Variants in PDZK1IP1 observed in about 807,000 individuals in gnomAD.
PDZK1IP1 encodes the protein PDZK1 interacting protein 1.
PDZK1IP1 carries 9 observed loss-of-function variants against 14.7 expected under a neutral mutation model. The observed-to-expected ratio is 0.61, with a 90% CI of 0.37 to 1.07. The LOEUF is 1.07. Ranked by LOEUF, PDZK1IP1 falls within the 50% of genes least tolerant of loss-of-function variation. PDZK1IP1 has a pLI of 0.01. For synonymous variants in PDZK1IP1, 70 were observed against 61.2 expected (o/e 1.14, Z -0.67); for missense variants, 152 against 148.7 (o/e 1.02, Z -0.11).
chr1:47,185,172 G>A (rs1645311791), intron 2 of PDZK1IP1, 75 bp from the exon 3 acceptor site: 1 of 1,131,518 alleles, frequency 8.8e-7, no homozygotes, highest in Admixed American at 1.7e-5. Context: ...CTGGGTCCTG[G>A]TTCTCACAAG....
chr1:47,187,258 G>C (rs992874220), intron 2 of PDZK1IP1, 61 bp downstream of exon 2: 1 of 1,162,954 alleles, frequency 8.6e-7, no homozygotes, highest in African/African-American at 1.5e-5. Context: ...ACTGCTACTA[G>C]AGCAAGAGCA....
intron 2 of PDZK1IP1, 89 bp from the exon 3 acceptor site, chr1:47,185,186 G>A (rs759528388): frequency 1.5e-5 from 15 of 1,000,384 alleles, no homozygotes; most frequent in South Asian, 3.9e-5. Context: ...TCACAAGCCC[G>A]AAGGCTAGCA....
chr1:47,184,566 C>CCCCACTGAACCT (rs1645306922), intron 3 of PDZK1IP1, among the ~76,000 whole-genome samples: 1 of 98,412 alleles, frequency 1.0e-5, no homozygotes, highest in Non-Finnish European at 2.2e-5. Context: ...CCACTGAGTC[C>CCCCACTGAACCT]ATACCCCACT....
In PDZK1IP1 at chr1:47,185,032, C is replaced by G; in HGVS notation, c.242G>C (p.Gly81Ala). ...KADGVLVGTD[G>A]RYSSMAASFR... ...ACTGGCCGCCATCGAAGAGTACCTT[C>G]CATCTGTTCCCACCAGGACTCCATC... Residue 81 changes from glycine to alanine, a missense_variant, in exon 3 of 4, where the codon GGA (glycine) becomes GCA (alanine). Gly to Ala is a moderately conservative substitution (Grantham distance 60, BLOSUM62 0). Coordinates refer to ENST00000294338, the MANE Select transcript of PDZK1IP1 (RefSeq NM_005764.4). 3 of 1,613,432 alleles carry G rather than the reference C, an allele frequency of 1.9e-6. No individual in the cohort carries two copies. The highest frequency in any genetic ancestry group is 1.6e-4 in the Middle Eastern group (1 of 6,062).
In PDZK1IP1 at chr1:47,188,393, G is replaced by A. The variant is rs2148573603; in HGVS notation, c.68-966C>T. 2.0e-5 allele frequency among the ~76,000 whole-genome samples: 3 copies of A among 152,242 alleles called. No individual in the cohort carries two copies. In the South Asian group the frequency reaches 6.2e-4, roughly 32 times the overall value. On this transcript the variant is annotated intron_variant, in intron 1 of 3. Transcript: ENST00000294338. ...CCTTCAGGCCTCTGCTTCCCCAAAG[G>A]ACTTTCCTCTTCCCCAGCATCACTG...
In PDZK1IP1 at chr1:47,183,991, C is replaced by A; in HGVS notation, c.325G>T (p.Val109Phe). The change falls in exon 4 of 4, where the codon GTC becomes TTC. Residue 109 changes from valine to phenylalanine, a missense_variant. By Grantham distance (50) the Val-to-Phe change is conservative. Transcript: ENST00000294338. ...GAAGGTTACATCGGGGTGCTGCGGA[C>A]CTTGCCTTCCTCCTCGGGCACATTC... The part of the protein sequence containing the change: ...YENVPEEEGK[V>F]RSTPM The A allele has an allele frequency of 1.3e-6, 2 of 1,598,430 alleles. No individual in the cohort carries two copies. Among genetic ancestry groups the A allele is most frequent in the Non-Finnish European group, 1.7e-6 (2 of 1,171,708 alleles).
In PDZK1IP1 at chr1:47,185,108, G is replaced by A. The variant is rs780501144; in HGVS notation, c.177-11C>T. The A allele has an allele frequency of 1.3e-5, 21 of 1,610,510 alleles. No individual in the cohort carries two copies. Among genetic ancestry groups the A allele is most frequent in the Non-Finnish European group, 1.8e-5 (21 of 1,177,638 alleles). On this transcript the variant is annotated splice_polypyrimidine_tract_variant and intron_variant, in intron 2 of 3. Transcript: ENST00000294338. Reference sequence around the variant, plus strand: ...ATGTGTGCAGGCTCCCTGGGGATGGGATTCATCAGTGGGGCTCCTCAGTGG... The same window carrying A: ...ATGTGTGCAGGCTCCCTGGGGATGGAATTCATCAGTGGGGCTCCTCAGTGG...
rs1415309853 is a variant in PDZK1IP1, at chr1:47,185,026, T to C, written c.248A>G (p.Tyr83Cys). ...DGVLVGTDGR[Y>C]SSMAASFRSS... ...CCTGAAACTGGCCGCCATCGAAGAG[T>C]ACCTTCCATCTGTTCCCACCAGGAC... is the stretch of plus-strand genomic sequence containing the variant. The change falls in exon 3 of 4, where the codon TAC becomes TGC. Residue 83 changes from tyrosine (Y) to cysteine (C), a missense_variant. Coordinates refer to ENST00000294338, the MANE Select transcript of PDZK1IP1 (RefSeq NM_005764.4). 6.8e-6 allele frequency: 11 copies of C among 1,613,102 alleles called. No individual in the cohort carries two copies. Among genetic ancestry groups the C allele is most frequent in the Non-Finnish European group, 7.6e-6 (9 of 1,179,836 alleles).
chr1:47,185,711 C>T (rs1158265651), intron 2 of PDZK1IP1, among the ~76,000 whole-genome samples: 6 of 152,124 alleles, frequency 3.9e-5, no homozygotes, highest in East Asian at 3.8e-4. Flanking sequence ...GTGTTCTGGG[C>T]CTCGGTGAGT....
At chr1:47,184,924 T>TC (rs1367954117) in intron 3 of PDZK1IP1, 78 bp downstream of exon 3, 8 of 1,184,110 alleles carry the variant, frequency 6.8e-6, no homozygotes, top group Admixed American at 5.1e-5. Flanking sequence ...CCCAGCCACC[T>TC]CCCCCCAGCA....
chr1:47,189,829 T>G (rs2148574037), intron 1 of PDZK1IP1, 37 bp downstream of exon 1: 1 of 1,529,764 alleles, frequency 6.5e-7, no homozygotes, highest in Non-Finnish European at 8.8e-7. Flanking sequence ...TGTCCACCCC[T>G]GGGTCTCCCG....
chr1:47,185,420 C>A, intron 2 of PDZK1IP1: 1 of 337,902 alleles, frequency 3.0e-6, no homozygotes. Context: ...CAGCTCGTGC[C>A]TTGGGCAGTG....
intron 1 of PDZK1IP1, among the ~76,000 whole-genome samples, chr1:47,188,656 A>T (rs1284665646): frequency 6.6e-6 from 1 of 152,166 alleles, no homozygotes. Flanking sequence ...GCTGCAGTGG[A>T]GGCCTGACCT....
rs766597470 is a variant in PDZK1IP1, at chr1:47,187,279, G to C, written c.176+40C>G. On this transcript the variant is annotated intron_variant, in intron 2 of 3. Transcript: ENST00000294338. ...ACTAGAGCAAGAGCAGTGGTCCTGG[G>C]CCCACCCTGCCTGCTCAGGGACCCT... 4 of 1,434,624 alleles carry C rather than the reference G, an allele frequency of 2.8e-6. No individual in the cohort carries two copies. In the South Asian group the frequency reaches 4.6e-5, roughly 16 times the overall value. The allele number at this position is 1,434,624 out of a possible 1,614,324, so 88.9% of individuals were successfully genotyped here.
intron 1 of PDZK1IP1, among the ~76,000 whole-genome samples, chr1:47,188,198 G>T (rs984139471): frequency 1.3e-5 from 2 of 152,196 alleles, no homozygotes; most frequent in African/African-American, 4.8e-5. Flanking sequence ...TAGAGACAGG[G>T]TCTTACTACG....
intron 2 of PDZK1IP1, chr1:47,185,380 G>T: frequency 2.5e-6 from 1 of 402,454 alleles, no homozygotes; most frequent in Admixed American, 3.8e-5. Flanking sequence ...AGCAGGCCCT[G>T]CAGGATGCAG....
chr1:47,184,505 C>CTCACTGAACCCATCCT (rs1557660504), intron 3 of PDZK1IP1, among the ~76,000 whole-genome samples: 26 of 35,568 alleles, frequency 7.3e-4, no homozygotes, highest in Non-Finnish European at 1.1e-3. Context: ...GAACCCATCC[C>CTCACTGAACCCATCCT]CCACTGAATC....
rs373428867 is a variant in PDZK1IP1, at chr1:47,189,968, G to A, written c.-36C>T. On this transcript the variant is annotated 5_prime_UTR_variant, in exon 1 of 4. Coordinates refer to ENST00000294338, the MANE Select transcript of PDZK1IP1 (RefSeq NM_005764.4). ...GCTCCTAGCCTTGCTTCTGGCCGCCGGTGTCTGGGCTCCTGGAGCTGCTGT... is the reference window on the plus strand; with the variant it reads ...GCTCCTAGCCTTGCTTCTGGCCGCCAGTGTCTGGGCTCCTGGAGCTGCTGT... 4.1e-5 allele frequency: 62 copies of A among 1,525,548 alleles called. No homozygotes were observed. Among genetic ancestry groups the A allele is most frequent in the Non-Finnish European group, 4.2e-5 (48 of 1,138,106 alleles). 94.5% of individuals were successfully genotyped at this position (1,525,548 alleles called of 1,614,324 possible). A position where few individuals can be genotyped will look rare whatever the true frequency, so the allele number is the denominator to read the frequency against.
rs1645299430 is a variant in PDZK1IP1, at chr1:47,183,821, A to G, written c.*150T>C. 1.0e-5 allele frequency: 7 copies of G among 689,008 alleles called. No homozygotes were observed. In the Admixed American group the frequency reaches 1.7e-4, roughly 16 times the overall value. 42.7% of individuals were successfully genotyped at this position (689,008 alleles called of 1,614,324 possible). A position where few individuals can be genotyped will look rare whatever the true frequency, so the allele number is the denominator to read the frequency against. On this transcript the variant is annotated 3_prime_UTR_variant, in exon 4 of 4. Coordinates refer to ENST00000294338, the MANE Select transcript of PDZK1IP1 (RefSeq NM_005764.4). ...GTCTGAGCTCCAACCTTGGCTGGCTATACTTCAAGGGCGGGTAGGGCCGGC... is the reference window on the plus strand; with the variant it reads ...GTCTGAGCTCCAACCTTGGCTGGCTGTACTTCAAGGGCGGGTAGGGCCGGC...
Sources: gnomAD v4.1 joint callset for allele counts (sites outside exome capture counted in the v4.1 genomes callset) on GRCh38, gnomAD v4.1.1 for gene constraint, MANE v1.5 for transcripts, NCBI Gene and HGNC (gene_info 2026-07-23, HGNC 2026-07-21) for gene names.